The following RAD51B variants were observed in gnomAD, a reference collection of about 807,000 sequenced individuals.
RAD51B encodes the protein DNA repair protein RAD51 homolog 2.
A neutral mutation model predicts 42.2 loss-of-function variants in RAD51B; 38 were observed. The observed-to-expected ratio is 0.90, with a 90% CI of 0.70 to 1.18. The LOEUF (loss-of-function observed/expected upper bound fraction) is 1.18. Ranked by LOEUF, RAD51B falls within the 50% of genes most tolerant of loss-of-function variation. The pLI, the probability that RAD51B is intolerant of heterozygous loss-of-function variation, is 0.00. For synonymous variants in RAD51B, 154 were observed against 145.2 expected (o/e 1.06, Z -0.43); for missense variants, 373 against 400.7 (o/e 0.93, Z 0.59).
intron 10 of RAD51B, among the ~76,000 whole-genome samples, chr14:68,632,154 A>G (rs1475722061): frequency 1.3e-5 from 2 of 151,898 alleles, no homozygotes; most frequent in Non-Finnish European, 2.9e-5. Flanking sequence ...TTGTTTCTAA[A>G]TTCCGCTTTC....
chr14:68,177,243 C>T (rs1022873144), intron 7 of RAD51B, among the ~76,000 whole-genome samples: 2 of 152,152 alleles, frequency 1.3e-5, no homozygotes, highest in Admixed American at 1.3e-4. Flanking sequence ...CCATCTTTTT[C>T]TGGGTGCCAG....
At chr14:68,597,803 T>TAA (rs11423187), downstream of RAD51B, among the ~76,000 whole-genome samples, 266 of 143,474 alleles carry the variant, frequency 1.9e-3, 1 homozygote, top group African/African-American at 2.9e-3. Context: ...AAATACAAGT[T>TAA]AAAAAAAAAA....
At chr14:67,861,848 T>G (rs1447154049) in intron 4 of RAD51B, among the ~76,000 whole-genome samples, 1 of 152,230 alleles carries the variant, frequency 6.6e-6, no homozygotes, top group Non-Finnish European at 1.5e-5. Context: ...GGAATATTTC[T>G]TTTATCATGT....
intron 10 of RAD51B, among the ~76,000 whole-genome samples, chr14:68,529,660 C>T (rs1324671226): frequency 6.6e-6 from 1 of 152,124 alleles, no homozygotes; most frequent in African/African-American, 2.4e-5. Context: ...GAGACCTCTA[C>T]AAAATCTCTA....
intron 8 of RAD51B, among the ~76,000 whole-genome samples, chr14:68,392,990 G>T (rs1423976845): frequency 1.3e-5 from 2 of 152,174 alleles, no homozygotes; most frequent in Non-Finnish European, 2.9e-5. Context: ...CTGCTTTGCT[G>T]GCTTCAGCGA....
At chr14:68,677,498 A>G (rs936575856) in intron 11 of RAD51B, among the ~76,000 whole-genome samples, 2 of 152,054 alleles carry the variant, frequency 1.3e-5, no homozygotes, top group African/African-American at 4.8e-5. Context: ...AACCACAACT[A>G]TCTTCCTGGA....
intron 8 of RAD51B, chr14:68,339,010 GGGCA>G (rs2082516867): frequency 3.1e-6 from 2 of 655,058 alleles, no homozygotes; most frequent in East Asian, 3.1e-5. Flanking sequence ...TTACAACATG[GGGCA>G]GGCAGGCAGA....
Position 67,923,892 on chromosome 14 carries a change from T to C in RAD51B, c.756+36688T>C, listed in dbSNP as rs139779710. ...ACCATATTCATGCCAATATCTATTA[T>C]ACTTTGATTTTTAAATTATGGCCAT... is the stretch of plus-strand genomic sequence containing the variant. On this transcript the variant is annotated intron_variant, in intron 7 of 10. Coordinates refer to ENST00000471583, the MANE Select transcript of RAD51B (RefSeq NM_133510.4). Among the ~76,000 whole-genome samples the C allele has an allele frequency of 6.4e-3, 977 of 152,338 alleles. 29 individuals carry two copies. Among genetic ancestry groups the C allele is most frequent in the Admixed American group, 0.057 (866 of 15,294 alleles).
At chr14:68,610,630 C>T (rs1354928413) in intron 10 of RAD51B, among the ~76,000 whole-genome samples, 3 of 152,226 alleles carry the variant, frequency 2.0e-5, no homozygotes, top group East Asian at 3.8e-4. Context: ...AGAACTGACC[C>T]TCTGCACCTA....
intron 7 of RAD51B, among the ~76,000 whole-genome samples, chr14:67,990,905 T>C (rs890520344): frequency 6.6e-6 from 1 of 152,224 alleles, no homozygotes; most frequent in Non-Finnish European, 1.5e-5. Context: ...AAGATTTTAT[T>C]ATAGCATTTG....
chr14:68,468,388 T>C (rs960952750), intron 10 of RAD51B, 138 bp downstream of exon 10: 2 of 947,622 alleles, frequency 2.1e-6, no homozygotes, highest in African/African-American at 3.2e-5. Context: ...CAGTGATATT[T>C]ACCCTAGTGA....
At chr14:68,289,881 T>G (rs2081482506) in intron 7 of RAD51B, among the ~76,000 whole-genome samples, 1 of 152,228 alleles carries the variant, frequency 6.6e-6, no homozygotes, top group African/African-American at 2.4e-5. Flanking sequence ...ATATGAGAGA[T>G]AAGATTAGCA....
intron 10 of RAD51B, among the ~76,000 whole-genome samples, chr14:68,583,764 C>T (rs892005567): frequency 3.3e-5 from 5 of 152,198 alleles, no homozygotes; most frequent in Non-Finnish European, 7.3e-5. Context: ...GTGATCCACC[C>T]ACAACTTGGC....
rs549546445 is a variant in RAD51B at position 68,225,150 on chromosome 14, A to T, written c.757-66734A>T. Among the ~76,000 whole-genome samples the T allele has an allele frequency of 5.6e-3, 860 of 152,292 alleles. 10 individuals carry two copies. Among genetic ancestry groups the T allele is most frequent in the African/African-American group, 0.019 (771 of 41,558 alleles). The stretch of plus-strand genomic sequence containing the variant: ...TAGAAAAATTTTGCAAACAGAAAAC[A>T]CTGTAGGGACAATATATGATAAGTA... On this transcript the variant is annotated intron_variant, in intron 7 of 10. Transcript: ENST00000471583.
intron 7 of RAD51B, among the ~76,000 whole-genome samples, chr14:68,034,052 A>G (rs1326283707): frequency 1.3e-5 from 2 of 152,164 alleles, no homozygotes; most frequent in African/African-American, 4.8e-5. Context: ...TGCCCTTCTT[A>G]GGTGACCACT....
At chr14:67,872,465 C>T (rs2042573883) in intron 5 of RAD51B, among the ~76,000 whole-genome samples, 4 of 147,998 alleles carry the variant, frequency 2.7e-5, no homozygotes, top group South Asian at 4.4e-4. Context: ...AAGAACATTC[C>T]ATGCTCACGG....
At chr14:68,160,925 A>T (rs1439320625) in intron 7 of RAD51B, among the ~76,000 whole-genome samples, 1 of 152,208 alleles carries the variant, frequency 6.6e-6, no homozygotes, top group African/African-American at 2.4e-5. Context: ...GGCTCCATGA[A>T]TTGAAACTCT....
In RAD51B at chr14:67,987,577, T is replaced by A. The variant is rs144713142; in HGVS notation, c.756+100373T>A. Among the ~76,000 whole-genome samples, 176 of 151,848 alleles carry A rather than the reference T, an allele frequency of 1.2e-3. 1 individual carries two copies. Among genetic ancestry groups the A allele is most frequent in the African/African-American group, 2.4e-3 (99 of 41,092 alleles). ...ATTTTAAATTGGTAGCTTCAAGAACTCTTAGAAGATCTTTTTTTTTCCTAT... is the reference window on the plus strand; with the variant it reads ...ATTTTAAATTGGTAGCTTCAAGAACACTTAGAAGATCTTTTTTTTTCCTAT... On this transcript the variant is annotated intron_variant, in intron 7 of 10. Coordinates refer to ENST00000471583, the MANE Select transcript of RAD51B (RefSeq NM_133510.4).
At chr14:68,549,316 T>G (rs1267373208) in intron 10 of RAD51B, among the ~76,000 whole-genome samples, 7 of 151,982 alleles carry the variant, frequency 4.6e-5, no homozygotes, top group Non-Finnish European at 8.8e-5. Context: ...AAACTTCATT[T>G]GACCAGTGAG....
Sources: allele counts gnomAD v4.1 joint callset (sites outside exome capture counted in the v4.1 genomes callset), GRCh38; gene constraint gnomAD v4.1.1; transcripts MANE v1.5; gene names NCBI Gene and HGNC (gene_info 2026-07-23, HGNC 2026-07-21).